Variants in TMOD2 observed in about 807,000 individuals in gnomAD.
TMOD2 encodes the protein tropomodulin-2.
In TMOD2, 22 loss-of-function variants were observed where a neutral mutation model predicts 39.9. That is an observed-to-expected ratio of 0.55 (90% confidence interval 0.39 to 0.79). The LOEUF is 0.79. Ranked by LOEUF, TMOD2 falls within the 30% of genes least tolerant of loss-of-function variation. The pLI is 0.00. For missense variants in TMOD2, 386 were observed against 413.3 expected (o/e 0.93, Z 0.57); for synonymous variants, 123 against 146.1 (o/e 0.84, Z 1.14).
chr15:51,777,632 A>G (rs964459432), intron 5 of TMOD2, among the ~76,000 whole-genome samples: 28 of 152,316 alleles, frequency 1.8e-4, no homozygotes, highest in African/African-American at 6.7e-4. Context: ...AATACCTACT[A>G]TGTGTCAGGA....
chr15:51,805,603 C>T (rs1211592905), intron 8 of TMOD2, among the ~76,000 whole-genome samples: 1 of 152,120 alleles, frequency 6.6e-6, no homozygotes, highest in South Asian at 2.1e-4. Flanking sequence ...CTATAGTCAA[C>T]AATAACATTG....
rs192115028 is a variant in TMOD2, at chr15:51,766,053, G to A, written c.-69-320G>A. On this transcript the variant is annotated intron_variant, in intron 1 of 9. Coordinates refer to ENST00000249700, the MANE Select transcript of TMOD2 (RefSeq NM_014548.4). Reference sequence around the variant, plus strand: ...CCCACTATGCTGGGAATCAGAAGGCGGGGCTCACGCATCCCAGCTCTGTGA... The same window carrying A: ...CCCACTATGCTGGGAATCAGAAGGCAGGGCTCACGCATCCCAGCTCTGTGA... 9.2e-5 allele frequency among the ~76,000 whole-genome samples: 14 copies of A among 152,308 alleles called. No individual in the cohort carries two copies. In the East Asian group the frequency reaches 1.7e-3, roughly 19 times the overall value.
chr15:51,788,180 A>G (rs2055984013), intron 7 of TMOD2, among the ~76,000 whole-genome samples: 1 of 152,210 alleles, frequency 6.6e-6, no homozygotes, highest in South Asian at 2.1e-4. Context: ...CCACAGTACA[A>G]GAACTTTGTA....
chr15:51,808,493 C>A lies in TMOD2; in HGVS notation c.*39C>A. 1 of 1,575,642 alleles carries A rather than the reference C, an allele frequency of 6.3e-7. No homozygotes were observed. Among genetic ancestry groups the A allele is most frequent in the Non-Finnish European group, 8.6e-7 (1 of 1,156,738 alleles). ...GAAGTGAAGTTTCACTGTGGTATGG[C>A]CATTGAAAAACAAAAACTCTTCTTC... On this transcript the variant is annotated 3_prime_UTR_variant, in exon 10 of 10. Coordinates refer to ENST00000249700, the MANE Select transcript of TMOD2 (RefSeq NM_014548.4).
At chr15:51,755,976 C>T (rs1327626813) in intron 1 of TMOD2, among the ~76,000 whole-genome samples, 1 of 151,994 alleles carries the variant, frequency 6.6e-6, no homozygotes, top group East Asian at 1.9e-4. Flanking sequence ...AGAGGAAGGA[C>T]ATGGTTAAAA....
intron 8 of TMOD2, among the ~76,000 whole-genome samples, chr15:51,804,658 C>T (rs1201921600): frequency 2.0e-5 from 3 of 151,798 alleles, no homozygotes; most frequent in African/African-American, 4.8e-5. Flanking sequence ...CTGCAACCTC[C>T]GCCTCCCGGG....
chr15:51,795,563 CTGCTTGCTTGCTTGCT>C (rs144124016), intron 7 of TMOD2, among the ~76,000 whole-genome samples: 5 of 82,782 alleles, frequency 6.0e-5, no homozygotes, highest in African/African-American at 1.7e-4. Flanking sequence ...TTCTTCTCTT[CTGCTTGCTTGCTTGCT>C]TTCTTTCTTT....
chr15:51,783,782 GA>G, intron 7 of TMOD2: 1 of 151,554 alleles, frequency 6.6e-6, no homozygotes, highest in Non-Finnish European at 1.5e-5. Flanking sequence ...TAGATAGATA[GA>G]TAGATAGATA....
intron 1 of TMOD2, among the ~76,000 whole-genome samples, chr15:51,762,293 C>T (rs2055786726): frequency 6.6e-6 from 1 of 151,104 alleles, no homozygotes; most frequent in Non-Finnish European, 1.5e-5. Flanking sequence ...CCTGTATCTT[C>T]AAAAAATAAA....
At chr15:51,798,594 C>T (rs1365550896) in intron 8 of TMOD2, among the ~76,000 whole-genome samples, 1 of 152,190 alleles carries the variant, frequency 6.6e-6, no homozygotes, top group African/African-American at 2.4e-5. Context: ...GCTAGTCAGG[C>T]TCCAGAAGAG....
chr15:51,752,012 G>T (rs1311826757), intron 1 of TMOD2, among the ~76,000 whole-genome samples: 1 of 151,824 alleles, frequency 6.6e-6, no homozygotes, highest in Admixed American at 6.5e-5. Flanking sequence ...GCAGCGGGGA[G>T]GGCGCGGTCT....
chr15:51,782,908 A>C, intron 7 of TMOD2, 80 bp downstream of exon 7: 1 of 1,354,298 alleles, frequency 7.4e-7, no homozygotes, highest in Non-Finnish European at 1.0e-6. Flanking sequence ...ATTAGCTAAC[A>C]ATTTTTTAGA....
intron 5 of TMOD2, among the ~76,000 whole-genome samples, chr15:51,777,838 C>T (rs1425769116): frequency 8.5e-5 from 13 of 152,200 alleles, no homozygotes; most frequent in Admixed American, 8.5e-4. Flanking sequence ...AAGGAAACAA[C>T]AGGTGCTGGA....
chr15:51,796,882 C>A (rs1242152552), intron 7 of TMOD2, among the ~76,000 whole-genome samples: 2 of 152,140 alleles, frequency 1.3e-5, no homozygotes, highest in Non-Finnish European at 2.9e-5. Context: ...GGATCATCTA[C>A]CTCCGGTGAT....
At chr15:51,772,199 C>G (rs2055858120) in intron 3 of TMOD2, among the ~76,000 whole-genome samples, 1 of 152,114 alleles carries the variant, frequency 6.6e-6, no homozygotes, top group Non-Finnish European at 1.5e-5. Flanking sequence ...CTGGAGAGAA[C>G]TTGGGTCCCA....
At chr15:51,795,364 A>G (rs1025842132) in intron 7 of TMOD2, among the ~76,000 whole-genome samples, 8 of 151,862 alleles carry the variant, frequency 5.3e-5, no homozygotes, top group Non-Finnish European at 1.2e-4. Flanking sequence ...GATGGAGGTT[A>G]CAGTGAGCCG....
At chr15:51,775,894 T>C (rs1348502879) in intron 4 of TMOD2, among the ~76,000 whole-genome samples, 1 of 152,202 alleles carries the variant, frequency 6.6e-6, no homozygotes, top group East Asian at 1.9e-4. Flanking sequence ...CAAATTCTTA[T>C]TTATTTAACA....
chr15:51,778,642 G>GC (rs1365406777), intron 5 of TMOD2, among the ~76,000 whole-genome samples: 2 of 112,548 alleles, frequency 1.8e-5, no homozygotes, highest in Non-Finnish European at 3.6e-5. Flanking sequence ...GAAAATTACA[G>GC]CTTTTTTTTT....
intron 5 of TMOD2, among the ~76,000 whole-genome samples, chr15:51,777,902 G>C (rs1446993045): frequency 6.6e-6 from 1 of 152,062 alleles, no homozygotes; most frequent in Non-Finnish European, 1.5e-5. Context: ...CTATAAACTA[G>C]TTCAACCATT....
Sources: gnomAD v4.1 joint callset for allele counts (sites outside exome capture counted in the v4.1 genomes callset) on GRCh38, gnomAD v4.1.1 for gene constraint, MANE v1.5 for transcripts, NCBI Gene and HGNC (gene_info 2026-07-23, HGNC 2026-07-21) for gene names.